Variants in SCFD2 observed in about 807,000 individuals in gnomAD.
The protein encoded by SCFD2 is sec1 family domain containing 2.
A neutral mutation model predicts 58.9 loss-of-function variants in SCFD2; 54 were observed. The ratio of observed to expected loss-of-function variants is 0.92; its 90% confidence interval spans 0.74 to 1.15. The LOEUF (loss-of-function observed/expected upper bound fraction) is 1.15. Among genes scored for constraint, SCFD2 ranks in the 50% most tolerant of loss-of-function variants. The probability of loss-of-function intolerance (pLI) is 0.00; values close to 1 mark genes in which losing one functional copy is unlikely to be tolerated. For synonymous variants in SCFD2, 321 were observed against 335.9 expected, an observed-to-expected ratio of 0.96 and a Z score of 0.49; for missense variants, 805 against 836.6, an observed-to-expected ratio of 0.96 and a Z score of 0.47.
chr4:53,277,931 T>A (rs947018794), intron 3 of SCFD2, among the ~76,000 whole-genome samples: 7 of 152,042 alleles, frequency 4.6e-5, no homozygotes, highest in Non-Finnish European at 7.4e-5. Context: ...TGGGCGCCTG[T>A]AGTCCCAGCT....
chr4:53,195,176 A>T (rs947771559), intron 4 of SCFD2, among the ~76,000 whole-genome samples: 1 of 152,176 alleles, frequency 6.6e-6, no homozygotes, highest in African/African-American at 2.4e-5. Context: ...TCAATTTAAA[A>T]ATCGAGTGCT....
chr4:53,015,435 C>G (rs1180882767), intron 5 of SCFD2, among the ~76,000 whole-genome samples: 1 of 151,954 alleles, frequency 6.6e-6, no homozygotes, highest in African/African-American at 2.4e-5. Context: ...TGCAAAAAAA[C>G]AAAAACAAAA....
intron 7 of SCFD2, among the ~76,000 whole-genome samples, chr4:52,900,815 T>C (rs1560475104): frequency 6.6e-6 from 1 of 152,174 alleles, no homozygotes; most frequent in Non-Finnish European, 1.5e-5. Flanking sequence ...TGTCGCTTTG[T>C]TTACCTACTG....
Position 53,346,379 on chromosome 4 carries a change from A to G in SCFD2, c.1007+6219T>C, listed in dbSNP as rs572815439. On this transcript the variant is annotated intron_variant, in intron 2 of 8. Coordinates refer to ENST00000401642, the MANE Select transcript of SCFD2 (RefSeq NM_152540.4). ...AACCTCTGCCTCCTGGGTTCAAGCG[A>G]TTCTTCTGCCTCAGCCCCCCAAGTA... 6.6e-4 allele frequency among the ~76,000 whole-genome samples: 98 copies of G among 149,598 alleles called. 1 individual carries two copies. Among genetic ancestry groups the G allele is most frequent in the Admixed American group, 1.1e-3 (17 of 14,838 alleles).
chr4:53,264,862 C>T (rs1730933381), intron 4 of SCFD2, among the ~76,000 whole-genome samples: 1 of 152,050 alleles, frequency 6.6e-6, no homozygotes, highest in African/African-American at 2.4e-5. Flanking sequence ...AAAATAGATG[C>T]CTATTTTTTA....
At chr4:52,987,788 C>A (rs971158473) in intron 5 of SCFD2, among the ~76,000 whole-genome samples, 3 of 152,202 alleles carry the variant, frequency 2.0e-5, no homozygotes, top group African/African-American at 7.2e-5. Context: ...GTACACACAA[C>A]TATTCTGCTA....
At chr4:52,880,524 G>A (rs1718584130) in intron 8 of SCFD2, among the ~76,000 whole-genome samples, 1 of 150,868 alleles carries the variant, frequency 6.6e-6, no homozygotes, top group East Asian at 2.0e-4. Flanking sequence ...GGCTGAGGAA[G>A]GAGAATCACT....
chr4:52,974,484 G>C lies in SCFD2; in HGVS notation c.1562-53614C>G, dbSNP rs1014921612. Among the ~76,000 whole-genome samples, 91 of 152,226 alleles carry C rather than the reference G, an allele frequency of 6.0e-4. 1 individual carries two copies. Among genetic ancestry groups the C allele is most frequent in the African/African-American group, 2.2e-3 (91 of 41,526 alleles). On this transcript the variant is annotated intron_variant, in intron 5 of 8. Transcript: ENST00000401642. ...CAAGGGACATGAAGGACCTCTTCAAGGAGAACTACAAACCACTGCTCAAGG... is the reference window on the plus strand; with the variant it reads ...CAAGGGACATGAAGGACCTCTTCAACGAGAACTACAAACCACTGCTCAAGG...
intron 4 of SCFD2, among the ~76,000 whole-genome samples, chr4:53,203,542 T>C (rs1346392859): frequency 6.6e-6 from 1 of 152,106 alleles, no homozygotes; most frequent in Non-Finnish European, 1.5e-5. Flanking sequence ...TTGTTGTTTT[T>C]TTATACATTA....
chr4:53,194,878 A>G (rs1728015835), intron 4 of SCFD2, among the ~76,000 whole-genome samples: 1 of 152,244 alleles, frequency 6.6e-6, no homozygotes, highest in Admixed American at 6.5e-5. Context: ...TTTCTCGTTT[A>G]GAGCCACACA....
chr4:53,055,180 G>T (rs949148761), intron 5 of SCFD2, among the ~76,000 whole-genome samples: 16 of 152,122 alleles, frequency 1.1e-4, no homozygotes, highest in Non-Finnish European at 1.8e-4. Flanking sequence ...CCCTTTGAAG[G>T]TCTGTCATTA....
chr4:53,208,964 C>A (rs545345111), intron 4 of SCFD2, among the ~76,000 whole-genome samples: 1 of 152,202 alleles, frequency 6.6e-6, no homozygotes, highest in Non-Finnish European at 1.5e-5. Context: ...TTCTAACAAA[C>A]CCTAGTTTGA....
intron 4 of SCFD2, among the ~76,000 whole-genome samples, chr4:53,206,296 A>C (rs891797172): frequency 3.3e-5 from 5 of 152,144 alleles, no homozygotes; most frequent in African/African-American, 1.2e-4. Flanking sequence ...ATAAGCCCAT[A>C]TGACATTTAA....
At chr4:52,913,319 C>T (rs1268261645) in intron 6 of SCFD2, among the ~76,000 whole-genome samples, 1 of 152,142 alleles carries the variant, frequency 6.6e-6, no homozygotes, top group African/African-American at 2.4e-5. Flanking sequence ...AGTTGCTTCC[C>T]ACCACTTGCA....
intron 2 of SCFD2, among the ~76,000 whole-genome samples, chr4:53,329,844 T>G (rs1055829406): frequency 1.3e-5 from 2 of 151,828 alleles, no homozygotes; most frequent in Non-Finnish European, 2.9e-5. Flanking sequence ...TTGAAAACTT[T>G]GAAAAAAATT....
intron 2 of SCFD2, among the ~76,000 whole-genome samples, chr4:53,317,193 G>A (rs1165689555): frequency 6.6e-6 from 1 of 151,936 alleles, no homozygotes; most frequent in Non-Finnish European, 1.5e-5. Context: ...TTCTAAACAC[G>A]TCATACTAAC....
chr4:53,296,575 C>A (rs150245595), intron 3 of SCFD2, among the ~76,000 whole-genome samples: 300 of 152,046 alleles, frequency 2.0e-3, no homozygotes, highest in African/African-American at 7.1e-3. Flanking sequence ...TTGTTAATCT[C>A]TTCAAAAAAC....
At chr4:53,311,473 G>A (rs1449171303) in intron 3 of SCFD2, among the ~76,000 whole-genome samples, 1 of 151,974 alleles carries the variant, frequency 6.6e-6, no homozygotes, top group Non-Finnish European at 1.5e-5. Context: ...ATTTTTCAAA[G>A]ATACGGCCCT....
chr4:53,343,855 CAT>C (rs1306244360), intron 2 of SCFD2, among the ~76,000 whole-genome samples: 10 of 152,184 alleles, frequency 6.6e-5, no homozygotes, highest in African/African-American at 2.2e-4. Context: ...ACAAAAACCA[CAT>C]GATTATCTCA....
Sources: allele counts gnomAD v4.1 joint callset (sites outside exome capture counted in the v4.1 genomes callset), GRCh38; gene constraint gnomAD v4.1.1; transcripts MANE v1.5; gene names NCBI Gene and HGNC (gene_info 2026-07-23, HGNC 2026-07-21).